Variants in TOP2B observed in about 807,000 individuals in gnomAD.
TOP2B encodes DNA topoisomerase II beta.
In TOP2B, 51 loss-of-function variants were observed where a neutral mutation model predicts 193.5. That is an observed-to-expected ratio of 0.26 (90% CI 0.21 to 0.33). The LOEUF (loss-of-function observed/expected upper bound fraction) is 0.33. TOP2B is among the 10% of genes least tolerant of loss of function. The probability of loss-of-function intolerance (pLI) is 1.00; values close to 1 mark genes in which losing one functional copy is unlikely to be tolerated. For missense variants in TOP2B, 1,378 were observed against 1,909.3 expected (o/e 0.72, Z 5.19); for synonymous variants, 634 against 635.7 (o/e 1.00, Z 0.04).
At chr3:25,601,407 T>A (rs1559489655) in intron 33 of TOP2B, among the ~76,000 whole-genome samples, 182 bp from the exon 34 acceptor site, 1 of 152,124 alleles carries the variant, frequency 6.6e-6, no homozygotes, top group East Asian at 1.9e-4. Context: ...TCACCTGAGG[T>A]CAGCAGTTCA....
At chr3:25,622,847 G>C (rs1169221408) in intron 21 of TOP2B, among the ~76,000 whole-genome samples, 1 of 152,134 alleles carries the variant, frequency 6.6e-6, no homozygotes, top group African/African-American at 2.4e-5. Flanking sequence ...TACCTGGTTT[G>C]GTCAGGCTGG....
intron 1 of TOP2B, among the ~76,000 whole-genome samples, chr3:25,651,978 A>G (rs186493074): frequency 8.0e-4 from 122 of 152,328 alleles, no homozygotes; most frequent in African/African-American, 2.9e-3. Context: ...AGATCCAAAG[A>G]TGCACAAAGG....
chr3:25,601,806 A>C (rs1269199226), intron 33 of TOP2B, among the ~76,000 whole-genome samples: 1 of 152,222 alleles, frequency 6.6e-6, no homozygotes, highest in Non-Finnish European at 1.5e-5. Flanking sequence ...TTTTAAATAC[A>C]GAATAGTCAT....
At chr3:25,656,739 T>A (rs1457140217) in intron 1 of TOP2B, among the ~76,000 whole-genome samples, 1 of 152,002 alleles carries the variant, frequency 6.6e-6, no homozygotes, top group Admixed American at 6.6e-5. Flanking sequence ...TAGGAAAAAA[T>A]GTGAAATATG....
intron 23 of TOP2B, among the ~76,000 whole-genome samples, chr3:25,619,385 G>A (rs1262380960): frequency 6.6e-6 from 1 of 151,770 alleles, no homozygotes; most frequent in East Asian, 1.9e-4. Context: ...TACTACTGCT[G>A]AACTTTTTTT....
At chr3:25,660,546 G>A (rs1281488853) in intron 1 of TOP2B, among the ~76,000 whole-genome samples, 1 of 152,172 alleles carries the variant, frequency 6.6e-6, no homozygotes, top group Non-Finnish European at 1.5e-5. Flanking sequence ...AAGTGAAAAA[G>A]TAATTCCAGA....
intron 8 of TOP2B, 104 bp from the exon 9 acceptor site, chr3:25,632,898 T>A: frequency 1.1e-6 from 1 of 940,356 alleles, no homozygotes; most frequent in Non-Finnish European, 1.6e-6. Context: ...TAATAGAGTC[T>A]CAGAACGAGA....
intron 1 of TOP2B, among the ~76,000 whole-genome samples, chr3:25,650,321 T>C (rs1323689615): frequency 2.0e-5 from 3 of 152,324 alleles, no homozygotes; most frequent in East Asian, 1.9e-4. Flanking sequence ...CAAAATGCCT[T>C]GAGCATCCTA....
rs372493124 is a variant in TOP2B, at chr3:25,624,978, T to C, written c.2225-175A>G. The C allele has an allele frequency of 1.3e-4, 81 of 605,572 alleles. No individual in the cohort carries two copies. In the African/African-American group the frequency reaches 1.4e-3, roughly 10 times the overall value. 37.5% of individuals were successfully genotyped at this position (605,572 alleles called of 1,614,324 possible). Reference sequence around the variant, plus strand: ...TTTGTTTTGTTTGTTTGTTTTTTCCTAGAAAGCCATCTGCAGGTATATACT... The same window carrying C: ...TTTGTTTTGTTTGTTTGTTTTTTCCCAGAAAGCCATCTGCAGGTATATACT... On this transcript the variant is annotated intron_variant, in intron 18 of 35. Coordinates refer to ENST00000264331, the MANE Select transcript of TOP2B (RefSeq NM_001330700.2).
Position 25,643,781 on chromosome 3 carries a change from T to G in TOP2B, c.244A>C (p.Met82Leu). The change falls in exon 3 of 36, where the codon ATG (methionine) becomes CTG (leucine). Residue 82 changes from methionine to leucine, a missense_variant. Met to Leu is a conservative substitution (Grantham distance 15). Around this residue, in one of 9 missense-constraint regions of TOP2B, gnomAD observed 35 missense variants for 85.8 expected, o/e 0.41. Coordinates refer to ENST00000264331, the MANE Select transcript of TOP2B (RefSeq NM_001330700.2). ...CCTACATCTTCATCATACACCCACATGAACTGCATTGAAAAATTCAAAAAA... is the reference window on the plus strand; with the variant it reads ...CCTACATCTTCATCATACACCCACAGGAACTGCATTGAAAAATTCAAAAAA... ...IGSVEPLTQF[M>L]WVYDEDVGMN... is the part of the protein sequence containing the mutation. The G allele has an allele frequency of 6.2e-7, 1 of 1,611,760 alleles. No individual in the cohort carries two copies. Among genetic ancestry groups the G allele is most frequent in the Non-Finnish European group, 8.5e-7 (1 of 1,178,714 alleles).
rs936825263 is a variant in TOP2B at position 25,629,157 on chromosome 3, T to A, written c.1690-12A>T. The A allele has an allele frequency of 4.0e-6, 6 of 1,502,496 alleles. No individual in the cohort carries two copies. In the African/African-American group the frequency reaches 7.0e-5, roughly 18 times the overall value. The allele number at this position is 1,502,496 out of a possible 1,614,324, so 93.1% of individuals were successfully genotyped here. A position where few individuals can be genotyped will look rare whatever the true frequency, so the allele number is the denominator to read the frequency against. ...GAACCATCTTGATCCTAAATAAATG[T>A]TAGTAAAGTAAAAAATGTTGTAATA... On this transcript the variant is annotated splice_polypyrimidine_tract_variant and intron_variant, in intron 13 of 35. Transcript: ENST00000264331.
At chr3:25,659,975 G>A (rs1411631475) in intron 1 of TOP2B, among the ~76,000 whole-genome samples, 3 of 152,192 alleles carry the variant, frequency 2.0e-5, no homozygotes, top group East Asian at 1.9e-4. Flanking sequence ...TCAACTTTTC[G>A]TTAAAATGGG....
chr3:25,649,547 A>G (rs1008586812), intron 1 of TOP2B, among the ~76,000 whole-genome samples: 1 of 151,266 alleles, frequency 6.6e-6, no homozygotes, highest in Admixed American at 6.6e-5. Flanking sequence ...TTACTAGCCA[A>G]TTTCTCAGCA....
At chr3:25,662,972 C>T (rs1703961668) in intron 1 of TOP2B, among the ~76,000 whole-genome samples, 1 of 152,204 alleles carries the variant, frequency 6.6e-6, no homozygotes, top group African/African-American at 2.4e-5. Context: ...CCCTCTACTG[C>T]AAGTCCACAT....
intron 21 of TOP2B, 31 bp from the exon 22 acceptor site, chr3:25,620,847 T>C (rs1702639885): frequency 6.2e-7 from 1 of 1,606,938 alleles, no homozygotes; most frequent in African/African-American, 1.3e-5. Flanking sequence ...AGCATTGACT[T>C]CTCTCTTGAG....
rs1702721920 is a variant in TOP2B, at chr3:25,623,710, G to A, written c.2532C>T (p.Asp844=). ...LARLLFPAVD[D]NLLKFLYDDN... The stretch of plus-strand genomic sequence containing the variant: ...CATCATAAAGGAACTTAAGGAGGTT[G>A]TCATCCACAGCAGGAAAAAGTAGCC... The change falls in exon 21 of 36, where the codon GAC becomes GAT. Residue 844 remains aspartate (D), a synonymous_variant. Coordinates refer to ENST00000264331, the MANE Select transcript of TOP2B (RefSeq NM_001330700.2). 2 of 1,613,512 alleles carry A rather than the reference G, an allele frequency of 1.2e-6. No individual in the cohort carries two copies. Among genetic ancestry groups the A allele is most frequent in the Non-Finnish European group, 1.7e-6 (2 of 1,179,692 alleles).
chr3:25,643,507 G>T (rs1703322000), intron 3 of TOP2B, among the ~76,000 whole-genome samples, 187 bp downstream of exon 3: 1 of 152,108 alleles, frequency 6.6e-6, no homozygotes, highest in South Asian at 2.1e-4. Flanking sequence ...ATGAAACAAA[G>T]ATGAAACAGA....
intron 1 of TOP2B, among the ~76,000 whole-genome samples, chr3:25,662,273 T>C (rs1703939530): frequency 6.6e-6 from 1 of 152,188 alleles, no homozygotes; most frequent in Admixed American, 6.5e-5. Context: ...TGAACCTACA[T>C]CAGCCTGACG....
intron 18 of TOP2B, among the ~76,000 whole-genome samples, chr3:25,626,076 T>C (rs1469689645): frequency 6.6e-6 from 1 of 152,112 alleles, no homozygotes; most frequent in East Asian, 1.9e-4. Context: ...AAAAAAGTTC[T>C]AGATAGAAGA....
Sources: gnomAD v4.1 joint callset for allele counts (sites outside exome capture counted in the v4.1 genomes callset) on GRCh38, gnomAD v4.1.1 for gene constraint, gnomAD v4.1.1 regional missense constraint, MANE v1.5 for transcripts, NCBI Gene and HGNC (gene_info 2026-07-23, HGNC 2026-07-21) for gene names.